The following PDGFC variants were observed in gnomAD, a reference collection of about 807,000 sequenced individuals.
PDGFC encodes the protein platelet derived growth factor C.
Under a neutral mutation model 35.5 loss-of-function variants are expected in PDGFC, and 12 were observed. That is an observed-to-expected ratio of 0.34 (90% confidence interval 0.22 to 0.55). The LOEUF (loss-of-function observed/expected upper bound fraction) is 0.55, where lower values mean the gene tolerates loss of function less well. PDGFC is among the 20% of genes least tolerant of loss of function. PDGFC has a pLI of 0.91. For missense variants in PDGFC, 322 were observed against 412.4 expected (o/e 0.78, Z 1.90); for synonymous variants, 159 against 148.8 (o/e 1.07, Z -0.50).
chr4:156,971,159 A>G lies in PDGFC; in HGVS notation c.-256T>C. 2.7e-6 allele frequency: 1 copy of G among 363,860 alleles called. No homozygotes were observed. The highest frequency in any genetic ancestry group is 1.0e-4 in the South Asian group (1 of 9,558). 22.5% of individuals were successfully genotyped at this position (363,860 alleles called of 1,614,324 possible). A position where few individuals can be genotyped will look rare whatever the true frequency, so the allele number is the denominator to read the frequency against. ...AACCAGTTTCCCAAGGTTTAAACAA[A>G]TCCTGAGCTGTGGCGAAGTGGTGGG... On this transcript the variant is annotated 5_prime_UTR_variant, in exon 1 of 6. Coordinates refer to ENST00000502773, the MANE Select transcript of PDGFC (RefSeq NM_016205.3).
intron 1 of PDGFC, among the ~76,000 whole-genome samples, chr4:156,931,610 T>G (rs1332685974): frequency 6.6e-6 from 1 of 152,170 alleles, no homozygotes; most frequent in Non-Finnish European, 1.5e-5. Flanking sequence ...AATAGACAAA[T>G]GCAAGGCTGT....
Position 156,971,421 on chromosome 4 carries a change from C to G in PDGFC, c.-518G>C, listed in dbSNP as rs889470846. On this transcript the variant is annotated 5_prime_UTR_variant, in exon 1 of 6. Coordinates refer to ENST00000502773, the MANE Select transcript of PDGFC (RefSeq NM_016205.3). ...CCCCTCTCCCCCGCCCCACCCCCCA[C>G]CCCCGAAGGGGGAGGGGGAAGAAAC... 4 of 384,182 alleles carry G rather than the reference C, an allele frequency of 1.0e-5. No individual in the cohort carries two copies. Among genetic ancestry groups the G allele is most frequent in the Non-Finnish European group, 1.8e-5 (4 of 217,310 alleles). The allele number at this position is 384,182 out of a possible 1,614,324, so 23.8% of individuals were successfully genotyped here.
Position 156,971,384 on chromosome 4 carries a change from G to C in PDGFC, c.-481C>G, listed in dbSNP as rs1386254138. The C allele has an allele frequency of 5.1e-6, 2 of 394,900 alleles. No homozygotes were observed. The highest frequency in any genetic ancestry group is 8.9e-6 in the Non-Finnish European group (2 of 224,004). 24.5% of individuals were successfully genotyped at this position (394,900 alleles called of 1,614,324 possible). A position where few individuals can be genotyped will look rare whatever the true frequency, so the allele number is the denominator to read the frequency against. ...AATAACAAAGCTGCCAATAGATGCG[G>C]CTCTCCGGGCGCCCCTCTCCCCCGC... On this transcript the variant is annotated 5_prime_UTR_variant, in exon 1 of 6. Transcript: ENST00000502773.
In PDGFC at chr4:156,763,162, T is replaced by C; in HGVS notation, c.966A>G (p.Lys322=). 1 of 1,612,690 alleles carries C rather than the reference T, an allele frequency of 6.2e-7. No homozygotes were observed. Among genetic ancestry groups the C allele is most frequent in the Non-Finnish European group, 8.5e-7 (1 of 1,178,816 alleles). ...RPKTGVRGLH[K]SLTDVALEHH... The stretch of plus-strand genomic sequence containing the variant: ...GCTCCAGGGCCACGTCGGTGAGTGA[T>C]TTGTGCAATCCCCTGACACCGGTCT... The change falls in exon 6 of 6, where the codon AAA becomes AAG. Residue 322 remains lysine, a synonymous_variant. Transcript: ENST00000502773.
chr4:156,904,866 T>G lies in PDGFC; in HGVS notation c.119-54450A>C, dbSNP rs77011552. On this transcript the variant is annotated intron_variant, in intron 1 of 5. Transcript: ENST00000502773. ...ATCCCCACTGCAAAGTAAGGCTCAG[T>G]GACAGCAGAGAATTGATATGTTGTT... is the stretch of plus-strand genomic sequence containing the variant. Among the ~76,000 whole-genome samples, 1,393 of 152,238 alleles carry G rather than the reference T, an allele frequency of 9.2e-3. 18 individuals carry two copies. Among genetic ancestry groups the G allele is most frequent in the African/African-American group, 0.032 (1,339 of 41,572 alleles).
intron 1 of PDGFC, among the ~76,000 whole-genome samples, chr4:156,891,286 A>G (rs1398988590): frequency 3.8e-5 from 1 of 26,386 alleles, no homozygotes. Context: ...TCTCAAAAAA[A>G]AAAAAAAAAA....
rs150738571 is a variant in PDGFC at position 156,826,401 on chromosome 4, C to A, written c.315-15384G>T. On this transcript the variant is annotated intron_variant, in intron 2 of 5. Coordinates refer to ENST00000502773, the MANE Select transcript of PDGFC (RefSeq NM_016205.3). ...TATTTTTAGTAGAGACAGGGTTTCACCCTGTTAGCCAGGTTGGTCTTGAAC... is the reference window on the plus strand; with the variant it reads ...TATTTTTAGTAGAGACAGGGTTTCAACCTGTTAGCCAGGTTGGTCTTGAAC... Among the ~76,000 whole-genome samples the A allele has an allele frequency of 3.2e-3, 479 of 151,872 alleles. 4 individuals are homozygous for A. The highest frequency in any genetic ancestry group is 0.011 in the African/African-American group (462 of 41,430).
chr4:156,810,982 C>T lies in PDGFC; in HGVS notation c.350G>A (p.Gly117Glu). The T allele has an allele frequency of 6.3e-7, 1 of 1,594,710 alleles. No individual in the cohort carries two copies. Among genetic ancestry groups the T allele is most frequent in the Non-Finnish European group, 8.5e-7 (1 of 1,172,474 alleles). The change falls in exon 3 of 6, where the codon GGA becomes GAA. Residue 117 changes from glycine (G) to glutamate (E), a missense_variant. Physicochemically the swap from Gly to Glu is moderately conservative, Grantham distance 98 (BLOSUM62 -2). This residue lies in a region of PDGFC where 202 missense variants were observed against 295.9 expected (regional missense o/e 0.68). Coordinates refer to ENST00000502773, the MANE Select transcript of PDGFC (RefSeq NM_016205.3). ...DFVEVEEPSD[G>E]TILGRWCGSG... ...ACCACACCAGCGCCCTAATATAGTT[C>T]CATCACTGGGTTCCTCAACTTCTAC...
intron 1 of PDGFC, among the ~76,000 whole-genome samples, chr4:156,951,817 A>G (rs190198922): frequency 1.3e-5 from 2 of 151,854 alleles, no homozygotes; most frequent in Admixed American, 1.3e-4. Flanking sequence ...CTAAACTCAC[A>G]GATACAATCA....
At chr4:156,841,781 C>T (rs1193191705) in intron 2 of PDGFC, among the ~76,000 whole-genome samples, 1 of 152,112 alleles carries the variant, frequency 6.6e-6, no homozygotes, top group African/African-American at 2.4e-5. Context: ...GCTAGGATTA[C>T]AGGCATGAGC....
intron 1 of PDGFC, among the ~76,000 whole-genome samples, chr4:156,853,699 T>C (rs1729506804): frequency 1.3e-5 from 2 of 152,212 alleles, no homozygotes; most frequent in South Asian, 4.1e-4. Flanking sequence ...CTGTGGCTCC[T>C]GTCTGTAATC....
intron 1 of PDGFC, among the ~76,000 whole-genome samples, chr4:156,866,854 G>A (rs1031415881): frequency 6.6e-6 from 1 of 152,158 alleles, no homozygotes; most frequent in Non-Finnish European, 1.5e-5. Context: ...AGTGAGCACA[G>A]TACAGTAAAT....
chr4:156,945,717 A>C (rs997487817), intron 1 of PDGFC, among the ~76,000 whole-genome samples: 2 of 151,930 alleles, frequency 1.3e-5, no homozygotes, highest in South Asian at 2.1e-4. Flanking sequence ...AAAAACTCAT[A>C]ATCTTGCAAA....
At position 156,796,295 on chromosome 4, in the gene PDGFC, A is replaced by T. The variant is rs1213375107; in HGVS notation, c.495+14542T>A. ...TCAAACATTTTTTAACTTATAAATGATATCTTTTTATATAATATTTTTATT... is the reference window on the plus strand; with the variant it reads ...TCAAACATTTTTTAACTTATAAATGTTATCTTTTTATATAATATTTTTATT... On this transcript the variant is annotated intron_variant, in intron 3 of 5. Transcript: ENST00000502773. Among the ~76,000 whole-genome samples the T allele has an allele frequency of 4.6e-5, 7 of 152,060 alleles. No homozygotes were observed. In the East Asian group the frequency reaches 1.4e-3, roughly 29 times the overall value.
intron 1 of PDGFC, among the ~76,000 whole-genome samples, chr4:156,964,919 G>A (rs528780702): frequency 6.6e-6 from 1 of 152,092 alleles, no homozygotes; most frequent in Non-Finnish European, 1.5e-5. Flanking sequence ...ACAGATTTTG[G>A]AGGCTTGTCA....
At chr4:156,861,545 C>A in intron 1 of PDGFC, 1 of 593,098 alleles carries the variant, frequency 1.7e-6, no homozygotes, top group East Asian at 6.7e-5. Context: ...AAATCCTAAT[C>A]TAGGTGGTTC....
At chr4:156,902,751 T>C (rs1730819581) in intron 1 of PDGFC, among the ~76,000 whole-genome samples, 1 of 152,168 alleles carries the variant, frequency 6.6e-6, no homozygotes, top group African/African-American at 2.4e-5. Flanking sequence ...ACCAACCACA[T>C]GTGGAACTTA....
chr4:156,958,569 T>A (rs17035464), intron 1 of PDGFC, among the ~76,000 whole-genome samples: 13,162 of 152,068 alleles, frequency 0.087, 1,682 homozygotes, highest in African/African-American at 0.28. Context: ...GCCAACCATG[T>A]TTGACAGAAG....
intron 1 of PDGFC, among the ~76,000 whole-genome samples, chr4:156,948,971 C>G (rs1245137243): frequency 3.3e-5 from 5 of 151,770 alleles, no homozygotes; most frequent in Non-Finnish European, 7.4e-5. Flanking sequence ...GCCAAGGGAC[C>G]AGTGTGAAAT....
Sources: allele counts gnomAD v4.1 joint callset (sites outside exome capture counted in the v4.1 genomes callset), GRCh38; gene constraint gnomAD v4.1.1; regional missense constraint gnomAD v4.1.1; transcripts MANE v1.5; gene names NCBI Gene and HGNC (gene_info 2026-07-23, HGNC 2026-07-21).